Variants in BABAM2 observed in about 807,000 individuals in gnomAD.
BABAM2 encodes BRISC and BRCA1-A complex member 2.
BABAM2 carries 31 observed loss-of-function variants against 54.7 expected under a neutral mutation model. The observed-to-expected ratio is 0.57, with a 90% CI of 0.43 to 0.77. BABAM2 has a LOEUF of 0.77. BABAM2 is among the 30% of genes least tolerant of loss of function. The probability of loss-of-function intolerance (pLI) is 0.00; values close to 1 mark genes in which losing one functional copy is unlikely to be tolerated. For missense variants in BABAM2, 364 were observed against 455.8 expected, an observed-to-expected ratio of 0.80 and a Z score of 1.83; for synonymous variants, 167 against 162.9, an observed-to-expected ratio of 1.03 and a Z score of -0.19.
chr2:28,224,769 A>C (rs67489060), intron 7 of BABAM2, among the ~76,000 whole-genome samples: 2 of 150,972 alleles, frequency 1.3e-5, no homozygotes, highest in African/African-American at 2.4e-5. Flanking sequence ...GCAGAATTCC[A>C]ATGTTTTGAC....
At chr2:27,988,410 A>G (rs1158725640) in intron 4 of BABAM2, among the ~76,000 whole-genome samples, 1 of 152,102 alleles carries the variant, frequency 6.6e-6, no homozygotes, top group Non-Finnish European at 1.5e-5. Flanking sequence ...CCTGCAATCA[A>G]TTTTCTAATG....
chr2:28,090,770 G>T (rs1666092580), intron 6 of BABAM2, among the ~76,000 whole-genome samples: 1 of 152,080 alleles, frequency 6.6e-6, no homozygotes, highest in African/African-American at 2.4e-5. Context: ...AGGGCCCAGG[G>T]GTTAGTAGCG....
Position 28,289,066 on chromosome 2 carries a change from GCA to G in BABAM2, c.935-9256_935-9255del, listed in dbSNP as rs371231392. Among the ~76,000 whole-genome samples, 509 of 146,844 alleles carry G rather than the reference GCA, an allele frequency of 3.5e-3. 1 individual carries two copies. Among genetic ancestry groups the G allele is most frequent in the Non-Finnish European group, 4.3e-3 (285 of 66,772 alleles). On this transcript the variant is annotated intron_variant, in intron 10 of 11. Coordinates refer to ENST00000379624, the MANE Select transcript of BABAM2 (RefSeq NM_199191.3). ...AATGTTTATCTGTTTATACACACGC[GCA>G]CACACACACACACACGATTATGTAA...
intron 4 of BABAM2, among the ~76,000 whole-genome samples, chr2:28,009,736 A>G (rs1354810798): frequency 2.6e-5 from 4 of 152,160 alleles, no homozygotes; most frequent in African/African-American, 9.7e-5. Context: ...TGATGAAACA[A>G]TAATCATTGT....
intron 5 of BABAM2, among the ~76,000 whole-genome samples, chr2:28,026,897 AATATATATAAAT>A (rs1675827049): frequency 4.9e-5 from 1 of 20,578 alleles, no homozygotes; most frequent in African/African-American, 1.3e-4. Flanking sequence ...GATATATATA[AATATATATAAAT>A]ATATATTAAT....
intron 6 of BABAM2, among the ~76,000 whole-genome samples, chr2:28,048,179 GGA>G (rs2148616220): frequency 6.6e-6 from 1 of 152,276 alleles, no homozygotes; most frequent in African/African-American, 2.4e-5. Context: ...TGAGTAGTAT[GGA>G]GTTAGACTGC....
intron 3 of BABAM2, among the ~76,000 whole-genome samples, chr2:27,947,634 T>A (rs904236204): frequency 2.6e-5 from 4 of 152,184 alleles, no homozygotes; most frequent in Non-Finnish European, 5.9e-5. Flanking sequence ...GCAAATATTT[T>A]CTCCCTGACT....
chr2:28,082,830 G>C (rs1349886618), intron 6 of BABAM2, among the ~76,000 whole-genome samples: 2 of 152,088 alleles, frequency 1.3e-5, no homozygotes, highest in Non-Finnish European at 2.9e-5. Context: ...AATTGATTCT[G>C]TTCGTTGCTG....
chr2:28,028,628 T>TTGAA (rs919530667), intron 5 of BABAM2, among the ~76,000 whole-genome samples: 3 of 152,152 alleles, frequency 2.0e-5, no homozygotes, highest in South Asian at 2.1e-4. Context: ...ATAAACGTTT[T>TTGAA]TGAATGAATG....
At chr2:28,091,704 G>T (rs1274834231) in intron 6 of BABAM2, among the ~76,000 whole-genome samples, 2 of 152,156 alleles carry the variant, frequency 1.3e-5, no homozygotes, top group Admixed American at 1.3e-4. Context: ...TTTCTTCCTT[G>T]TCTATGTGGG....
intron 5 of BABAM2, among the ~76,000 whole-genome samples, chr2:28,031,349 C>G (rs1414200023): frequency 1.3e-5 from 2 of 152,094 alleles, no homozygotes; most frequent in Non-Finnish European, 2.9e-5. Flanking sequence ...TTGTTAGGGA[C>G]TTGAATGAAC....
intron 6 of BABAM2, among the ~76,000 whole-genome samples, chr2:28,089,909 T>C (rs1666016095): frequency 6.6e-6 from 1 of 151,960 alleles, no homozygotes; most frequent in Admixed American, 6.6e-5. Flanking sequence ...TCTTTGTGTG[T>C]GTTTTATGAG....
intron 6 of BABAM2, among the ~76,000 whole-genome samples, chr2:28,077,610 A>G (rs1470359749): frequency 6.6e-6 from 1 of 152,114 alleles, no homozygotes; most frequent in Non-Finnish European, 1.5e-5. Flanking sequence ...TTCTGTTTTG[A>G]AGAACAAATA....
chr2:27,999,440 G>T (rs896760369), intron 4 of BABAM2, among the ~76,000 whole-genome samples: 1 of 152,190 alleles, frequency 6.6e-6, no homozygotes, highest in Non-Finnish European at 1.5e-5. Context: ...GAGCAAGCCA[G>T]TTGGCTTGGA....
chr2:27,935,268 A>C (rs1668409335), intron 3 of BABAM2, among the ~76,000 whole-genome samples: 1 of 152,258 alleles, frequency 6.6e-6, no homozygotes, highest in Non-Finnish European at 1.5e-5. Context: ...ATCTGTTTAC[A>C]GCACGGTTTA....
chr2:28,001,105 A>G (rs1034022827), intron 4 of BABAM2, among the ~76,000 whole-genome samples: 2 of 152,216 alleles, frequency 1.3e-5, no homozygotes, highest in African/African-American at 4.8e-5. Context: ...TTCAGCTCAC[A>G]GAGCAAGGAA....
chr2:27,968,517 C>A (rs897408002), intron 3 of BABAM2, among the ~76,000 whole-genome samples: 1 of 152,200 alleles, frequency 6.6e-6, no homozygotes, highest in African/African-American at 2.4e-5. Flanking sequence ...GGTTGGAGCC[C>A]CCACACAGAG....
At chr2:27,988,148 T>C in intron 4 of BABAM2, 61 bp downstream of exon 4, 1 of 1,502,460 alleles carries the variant, frequency 6.7e-7, no homozygotes, top group Non-Finnish European at 9.3e-7. Context: ...AAAATTGGCT[T>C]TCAGCAGTTG....
At chr2:28,253,313 A>G (rs947336990) in intron 10 of BABAM2, among the ~76,000 whole-genome samples, 3 of 151,976 alleles carry the variant, frequency 2.0e-5, no homozygotes, top group Non-Finnish European at 4.4e-5. Flanking sequence ...GAGGCATGAG[A>G]ATTGCTTGAA....
Sources: allele counts gnomAD v4.1 joint callset (sites outside exome capture counted in the v4.1 genomes callset), GRCh38; gene constraint gnomAD v4.1.1; transcripts MANE v1.5; gene names NCBI Gene and HGNC (gene_info 2026-07-23, HGNC 2026-07-21).